Variants in NAALADL2 observed in about 807,000 individuals in gnomAD.
NAALADL2 encodes the protein inactive N-acetylated-alpha-linked acidic dipeptidase-like protein 2.
In NAALADL2, 76 loss-of-function variants were observed where a neutral mutation model predicts 87.2. The ratio of observed to expected loss-of-function variants is 0.87; its 90% CI spans 0.72 to 1.05. The LOEUF (loss-of-function observed/expected upper bound fraction) is 1.05, where lower values mean the gene tolerates loss of function less well. Ranked by LOEUF, NAALADL2 falls within the 50% of genes least tolerant of loss-of-function variation. The pLI is 0.00. For missense variants in NAALADL2, 1,089 were observed against 945.8 expected, an observed-to-expected ratio of 1.15 and a Z score of -1.99; for synonymous variants, 354 against 331.0, an observed-to-expected ratio of 1.07 and a Z score of -0.75.
intron 3 of NAALADL2, among the ~76,000 whole-genome samples, chr3:174,849,753 A>T (rs1362762778): frequency 6.6e-6 from 1 of 151,260 alleles, no homozygotes; most frequent in Non-Finnish European, 1.5e-5. Flanking sequence ...AAAAAAAAAA[A>T]AAAAAAGATG....
At chr3:175,738,076 C>T (rs191481531) in intron 12 of NAALADL2, among the ~76,000 whole-genome samples, 5 of 152,068 alleles carry the variant, frequency 3.3e-5, no homozygotes, top group African/African-American at 1.2e-4. Context: ...AGATTTCACC[C>T]TCCTCCTCTT....
intron 1 of NAALADL2, among the ~76,000 whole-genome samples, chr3:174,908,023 T>G (rs1173492531): frequency 6.3e-5 from 4 of 63,800 alleles, no homozygotes; most frequent in Non-Finnish European, 9.4e-5. Flanking sequence ...AGAAGTTGGT[T>G]TTTTTTTTTT....
intron 2 of NAALADL2, among the ~76,000 whole-genome samples, chr3:174,658,606 A>C (rs139145416): frequency 6.6e-6 from 1 of 152,162 alleles, no homozygotes; most frequent in Non-Finnish European, 1.5e-5. Flanking sequence ...AGTAGGGAGA[A>C]ATTCAAATTT....
chr3:175,781,560 GTTATA>G, intron 13 of NAALADL2, among the ~76,000 whole-genome samples: 1 of 150,498 alleles, frequency 6.6e-6, no homozygotes, highest in African/African-American at 2.4e-5. Context: ...ACATTGAATT[GTTATA>G]TTAGAGTGTG....
intron 13 of NAALADL2, among the ~76,000 whole-genome samples, chr3:175,786,052 G>T (rs1480423947): frequency 7.2e-5 from 11 of 151,998 alleles, no homozygotes; most frequent in Non-Finnish European, 1.5e-4. Context: ...GGCTTGTAGG[G>T]TTTCTGCCGA....
intron 5 of NAALADL2, among the ~76,000 whole-genome samples, chr3:175,342,491 T>C (rs1762664112): frequency 6.7e-6 from 1 of 149,688 alleles, no homozygotes; most frequent in South Asian, 2.1e-4. Context: ...CCTCCTGGCA[T>C]TTGCCAAATA....
rs146284784 is a variant in NAALADL2, at chr3:175,808,170, C to G, written c.*4967C>G. On this transcript the variant is annotated 3_prime_UTR_variant, in exon 14 of 14. Coordinates refer to ENST00000454872, the MANE Select transcript of NAALADL2 (RefSeq NM_207015.3). ...GTGCCTTTAGCAGACCTGGGACCGTCAAGAATCTTGTTACCCTGATTATTG... is the reference window on the plus strand; with the variant it reads ...GTGCCTTTAGCAGACCTGGGACCGTGAAGAATCTTGTTACCCTGATTATTG... 61 of 151,982 alleles carry G rather than the reference C, an allele frequency of 4.0e-4. 1 individual carries two copies. The East Asian group carries it at 0.011, about 28-fold the overall frequency. The allele number at this position is 151,982 out of a possible 1,614,324, so 9.4% of individuals were successfully genotyped here.
chr3:174,945,726 C>T (rs987312225), intron 1 of NAALADL2, among the ~76,000 whole-genome samples: 2 of 152,048 alleles, frequency 1.3e-5, no homozygotes, highest in Admixed American at 1.3e-4. Flanking sequence ...GGAGAGGTCC[C>T]TTGAAGACTC....
intron 1 of NAALADL2, among the ~76,000 whole-genome samples, chr3:174,479,460 A>G (rs1717422806): frequency 6.6e-6 from 1 of 152,114 alleles, no homozygotes; most frequent in Non-Finnish European, 1.5e-5. Flanking sequence ...AATGAGCTTG[A>G]AAGTCAGAAT....
At chr3:175,086,396 TAGAG>T (rs1250509886) in intron 1 of NAALADL2, among the ~76,000 whole-genome samples, 5 of 151,588 alleles carry the variant, frequency 3.3e-5, no homozygotes, top group East Asian at 1.9e-4. Flanking sequence ...AATTTAAAAA[TAGAG>T]GGAGCATTAC....
chr3:175,093,750 T>C (rs1197651461), intron 1 of NAALADL2, among the ~76,000 whole-genome samples: 1 of 151,774 alleles, frequency 6.6e-6, no homozygotes, highest in Non-Finnish European at 1.5e-5. Flanking sequence ...ATCCCAGATG[T>C]GACTCTGCTG....
intron 9 of NAALADL2, among the ~76,000 whole-genome samples, chr3:175,538,092 AT>A (rs1290612587): frequency 6.6e-6 from 1 of 152,210 alleles, no homozygotes; most frequent in African/African-American, 2.4e-5. Context: ...TAATTAAATT[AT>A]ATTGGGAAGT....
intron 2 of NAALADL2, among the ~76,000 whole-genome samples, chr3:175,228,103 TGTATTTTCTAGGTTTCTATAAAG>T (rs1744419731): frequency 6.6e-6 from 1 of 151,998 alleles, no homozygotes; most frequent in African/African-American, 2.4e-5. Context: ...TTGATATACT[TGTATTTTCTAGGTTTCTATAAAG>T]GTGTGCTCAT....
At chr3:175,311,424 G>A (rs1204557661) in intron 4 of NAALADL2, among the ~76,000 whole-genome samples, 5 of 152,086 alleles carry the variant, frequency 3.3e-5, no homozygotes, top group African/African-American at 1.2e-4. Flanking sequence ...TTCATTTCCA[G>A]TCCGAAATAT....
chr3:175,682,227 A>T (rs1244343194), intron 11 of NAALADL2, among the ~76,000 whole-genome samples: 1 of 152,074 alleles, frequency 6.6e-6, no homozygotes, highest in African/African-American at 2.4e-5. Flanking sequence ...TAGCCAAAAT[A>T]CATTTAGAAT....
intron 1 of NAALADL2, among the ~76,000 whole-genome samples, chr3:175,058,802 C>T (rs1712795850): frequency 6.6e-6 from 1 of 152,178 alleles, no homozygotes; most frequent in South Asian, 2.1e-4. Context: ...TAGAGTGTCA[C>T]CTTTCAGCAG....
chr3:175,009,701 T>A (rs1190823796), intron 1 of NAALADL2, among the ~76,000 whole-genome samples: 1 of 152,064 alleles, frequency 6.6e-6, no homozygotes, highest in East Asian at 1.9e-4. Context: ...GATGAAGACA[T>A]TGGACCCTCA....
At chr3:175,639,680 T>G (rs1465540150) in intron 11 of NAALADL2, among the ~76,000 whole-genome samples, 1 of 152,176 alleles carries the variant, frequency 6.6e-6, no homozygotes, top group East Asian at 1.9e-4. Context: ...CACTAAATTT[T>G]CTCCACACCT....
At chr3:175,434,532 A>C (rs997586836) in intron 5 of NAALADL2, among the ~76,000 whole-genome samples, 1 of 152,038 alleles carries the variant, frequency 6.6e-6, no homozygotes, top group Non-Finnish European at 1.5e-5. Flanking sequence ...AAATAAGTAG[A>C]TCTGGAAATA....
Sources: allele counts gnomAD v4.1 joint callset (sites outside exome capture counted in the v4.1 genomes callset), GRCh38; gene constraint gnomAD v4.1.1; transcripts MANE v1.5; gene names NCBI Gene and HGNC (gene_info 2026-07-23, HGNC 2026-07-21).